The following CACTIN variants were observed in gnomAD, a reference collection of about 807,000 sequenced individuals.
The protein encoded by CACTIN is cactin, spliceosome C complex subunit.
In CACTIN, 20 loss-of-function variants were observed where a neutral mutation model predicts 84.9. The observed-to-expected ratio is 0.24, with a 90% CI of 0.17 to 0.34. The LOEUF (loss-of-function observed/expected upper bound fraction) is 0.34, where lower values mean the gene tolerates loss of function less well. Among genes scored for constraint, CACTIN ranks in the 10% least tolerant of loss-of-function variants. The pLI is 1.00. For synonymous variants in CACTIN, 549 were observed against 467.9 expected (o/e 1.17, Z -2.24); for missense variants, 897 against 1,117.2 (o/e 0.80, Z 2.81).
rs1453330173 is a variant in CACTIN, at chr19:3,612,975, T to TCGGC, written c.1786+79_1786+82dup. 6.4e-5 allele frequency: 95 copies of TCGGC among 1,478,912 alleles called. 1 individual carries two copies. Among genetic ancestry groups the TCGGC allele is most frequent in the Non-Finnish European group, 8.3e-5 (91 of 1,100,710 alleles). 91.6% of individuals were successfully genotyped at this position (1,478,912 alleles called of 1,614,324 possible). ...CAGCTCCCCACTGACGCCAGCGGCT[T>TCGGC]CGGCCGGGAAATGAGGCTGGAGAAG... On this transcript the variant is annotated intron_variant, in intron 9 of 9. Coordinates refer to ENST00000429344, the MANE Select transcript of CACTIN (RefSeq NM_001080543.2).
chr19:3,621,117 C>T, intron 2 of CACTIN: 1 of 473,378 alleles, frequency 2.1e-6, no homozygotes, highest in Non-Finnish European at 3.9e-6. Context: ...CACCCCAGCC[C>T]CCAACAGAAG....
At chr19:3,621,045 C>T (rs1479360747) in intron 2 of CACTIN, 1 of 616,818 alleles carries the variant, frequency 1.6e-6, no homozygotes, top group Non-Finnish European at 3.0e-6. Flanking sequence ...TACCCCAACT[C>T]TCAACAGGAG....
chr19:3,625,941 G>A (rs890065802), intron 1 of CACTIN, among the ~76,000 whole-genome samples: 41 of 152,334 alleles, frequency 2.7e-4, no homozygotes, highest in Non-Finnish European at 5.1e-4. Flanking sequence ...GGACCATGGG[G>A]AAGCTGAGAT....
chr19:3,625,919 T>C (rs2033323022), intron 1 of CACTIN, among the ~76,000 whole-genome samples: 1 of 152,108 alleles, frequency 6.6e-6, no homozygotes, highest in African/African-American at 2.4e-5. Flanking sequence ...GTGCCCCATC[T>C]CCAGAAGAAA....
intron 6 of CACTIN, 109 bp from the exon 7 acceptor site, chr19:3,614,698 C>T (rs1030961730): frequency 9.5e-6 from 8 of 844,988 alleles, no homozygotes; most frequent in Middle Eastern, 2.8e-4. Context: ...CCCTCCTCTT[C>T]CCCCACAGGG....
rs751426762 is a variant in CACTIN at position 3,612,074 on chromosome 19, C to T, written c.2126G>A (p.Arg709His). ...CADNKDFAIL[R>H]FHAGPPYEDI... The stretch of plus-strand genomic sequence containing the variant: ...CTCGTAGGGCGGCCCCGCGTGGAAG[C>T]GCAGGATGGCGAAATCCTTGTTGTC... The change falls in exon 10 of 10, where the codon CGC (arginine) becomes CAC (histidine). Residue 709 changes from arginine to histidine, a missense_variant. Coordinates refer to ENST00000429344, the MANE Select transcript of CACTIN (RefSeq NM_001080543.2). 3.1e-6 allele frequency: 5 copies of T among 1,613,748 alleles called. No individual in the cohort carries two copies. The African/African-American group carries it at 4.0e-5, about 13-fold the overall frequency.
intron 9 of CACTIN, 35 bp downstream of exon 9, chr19:3,613,023 T>G: frequency 2.6e-6 from 3 of 1,134,666 alleles, no homozygotes; most frequent in Non-Finnish European, 3.6e-6. Context: ...CTCGCCCCAC[T>G]GGCCCCACCC....
At chr19:3,620,352 C>G in intron 3 of CACTIN, 80 bp from the exon 4 acceptor site, 1 of 1,438,400 alleles carries the variant, frequency 7.0e-7, no homozygotes, top group Non-Finnish European at 9.4e-7. Context: ...ATGATGGGGG[C>G]CCAGCCTTCA....
Position 3,618,861 on chromosome 19 carries a change from ATGCCCGCCGTTACCTGGCCCCT to A in CACTIN, c.1154_1162+13del. 3 of 1,541,698 alleles carry A rather than the reference ATGCCCGCCGTTACCTGGCCCCT, an allele frequency of 1.9e-6. No individual in the cohort carries two copies. The highest frequency in any genetic ancestry group is 2.6e-6 in the Non-Finnish European group (3 of 1,140,138). On this transcript the variant is annotated splice_donor_variant and splice_donor_5th_base_variant and coding_sequence_variant and intron_variant, in exon 6 of 10. Transcript: ENST00000429344. LOFTEE classifies it high-confidence loss of function. ...CGCAGCTCCCCTGGAGCCCAGGCCC[ATGCCCGCCGTTACCTGGCCCCT>A]TGCCCGAGGCCTCCAGCTTGCGGAG...
chr19:3,614,615 G>A (rs1339518322), intron 6 of CACTIN, 26 bp from the exon 7 acceptor site: 5 of 1,570,594 alleles, frequency 3.2e-6, no homozygotes, highest in African/African-American at 1.4e-5. Context: ...GGCATGGGGG[G>A]GCGGTTCCAC....
chr19:3,621,309 G>A (rs73920184), intron 2 of CACTIN, among the ~76,000 whole-genome samples: 4,783 of 152,312 alleles, frequency 0.031, 139 homozygotes, highest in African/African-American at 0.078. Flanking sequence ...CCCACACAGC[G>A]GGGCACAGGG....
intron 6 of CACTIN, among the ~76,000 whole-genome samples, chr19:3,617,744 C>T (rs536542180): frequency 6.6e-6 from 1 of 152,290 alleles, no homozygotes; most frequent in South Asian, 2.1e-4. Context: ...AAGTCTTTGC[C>T]CAGCCCCGCT....
chr19:3,625,868 G>T (rs980145025), intron 1 of CACTIN, among the ~76,000 whole-genome samples: 45 of 152,230 alleles, frequency 3.0e-4, no homozygotes, highest in Non-Finnish European at 4.3e-4. Flanking sequence ...CCCCATTTTG[G>T]TTTCTCTGTA....
chr19:3,620,430 A>G (rs1479336281), intron 3 of CACTIN, 158 bp from the exon 4 acceptor site: 1 of 884,412 alleles, frequency 1.1e-6, no homozygotes, highest in Non-Finnish European at 1.8e-6. Flanking sequence ...TTGGGAAGGG[A>G]GAGGGCCCTC....
At position 3,610,728 on chromosome 19, in the gene CACTIN, C is replaced by G. The variant is rs1207590107; in HGVS notation, c.*1195G>C. The G allele has an allele frequency of 1.3e-5, 6 of 455,910 alleles. No homozygotes were observed. The highest frequency in any genetic ancestry group is 6.5e-4 in the Middle Eastern group (2 of 3,094). 28.2% of individuals were successfully genotyped at this position (455,910 alleles called of 1,614,324 possible). On this transcript the variant is annotated 3_prime_UTR_variant, in exon 10 of 10. Coordinates refer to ENST00000429344, the MANE Select transcript of CACTIN (RefSeq NM_001080543.2). Reference sequence around the variant, plus strand: ...CATGAGAACAAAAGATTTTTTTTCCCACCTACAAGTCTTTTTAGAGAAACA... The same window carrying G: ...CATGAGAACAAAAGATTTTTTTTCCGACCTACAAGTCTTTTTAGAGAAACA...
intron 7 of CACTIN, 60 bp downstream of exon 7, chr19:3,614,336 AG>A (rs1316393960): frequency 6.7e-7 from 1 of 1,486,490 alleles, no homozygotes; most frequent in East Asian, 2.5e-5. Context: ...AGGACTCAGG[AG>A]GGGGCGAAAC....
chr19:3,618,557 A>G (rs1001443860), intron 6 of CACTIN, among the ~76,000 whole-genome samples: 12 of 152,274 alleles, frequency 7.9e-5, no homozygotes, highest in Non-Finnish European at 1.3e-4. Flanking sequence ...TCAAACAGGC[A>G]GAGCCACTGA....
chr19:3,623,298 G>A (rs567495401), intron 2 of CACTIN, among the ~76,000 whole-genome samples: 8 of 151,864 alleles, frequency 5.3e-5, no homozygotes, highest in African/African-American at 1.9e-4. Context: ...GGGAGGCCAA[G>A]GCGGGTGGAT....
chr19:3,619,258 G>A lies in CACTIN; in HGVS notation c.885-16C>T. On this transcript the variant is annotated splice_polypyrimidine_tract_variant and intron_variant, in intron 4 of 9. Coordinates refer to ENST00000429344, the MANE Select transcript of CACTIN (RefSeq NM_001080543.2). Reference sequence around the variant, plus strand: ...GATCTTGGAACTGTGGGGAGCAGGGGAAGGTGGCATCAGAGCCTGGGCTGT... The same window carrying A: ...GATCTTGGAACTGTGGGGAGCAGGGAAAGGTGGCATCAGAGCCTGGGCTGT... 6.2e-7 allele frequency: 1 copy of A among 1,610,578 alleles called. No homozygotes were observed. The highest frequency in any genetic ancestry group is 8.5e-7 in the Non-Finnish European group (1 of 1,178,754).
Sources: gnomAD v4.1 joint callset for allele counts (sites outside exome capture counted in the v4.1 genomes callset) on GRCh38, gnomAD v4.1.1 for gene constraint, MANE v1.5 for transcripts, NCBI Gene and HGNC (gene_info 2026-07-23, HGNC 2026-07-21) for gene names.